The following ZNF483 variants were observed in gnomAD, a reference collection of about 807,000 sequenced individuals.
ZNF483 encodes the protein zinc finger protein HIT-10.
In ZNF483, 9 loss-of-function variants were observed where a neutral mutation model predicts 28.6. The observed-to-expected ratio is 0.32, with a 90% CI of 0.19 to 0.55. The LOEUF (loss-of-function observed/expected upper bound fraction) is 0.55, where lower values mean the gene tolerates loss of function less well. Among genes scored for constraint, ZNF483 ranks in the 20% least tolerant of loss-of-function variants. The pLI is 0.93. For synonymous variants in ZNF483, 322 were observed against 306.2 expected (o/e 1.05, Z -0.54); for missense variants, 675 against 871.7 (o/e 0.77, Z 2.84).
chr9:111,560,715 G>T (rs1224169602), intron 5 of ZNF483, among the ~76,000 whole-genome samples: 1 of 148,554 alleles, frequency 6.7e-6, no homozygotes, highest in Non-Finnish European at 1.5e-5. Flanking sequence ...AGGCCGAGGT[G>T]GCCGGATCAC....
chr9:111,541,492 A>C (rs1260269396), intron 5 of ZNF483, among the ~76,000 whole-genome samples, 165 bp from the exon 6 acceptor site: 2 of 152,166 alleles, frequency 1.3e-5, no homozygotes, highest in African/African-American at 2.4e-5. Context: ...ATGTGTTTAC[A>C]TTGTTTCCCT....
intron 5 of ZNF483, chr9:111,570,199 TG>T (rs1828748201): frequency 3.7e-6 from 6 of 1,613,436 alleles, no homozygotes; most frequent in South Asian, 2.2e-5. Flanking sequence ...TAACAATCTC[TG>T]GGGGTGGGCC....
intron 1 of ZNF483, among the ~76,000 whole-genome samples, chr9:111,525,638 G>C (rs1827168123): frequency 6.6e-6 from 1 of 152,138 alleles, no homozygotes; most frequent in South Asian, 2.1e-4. Flanking sequence ...CATTGCCAGA[G>C]GACCGCTGGG....
intron 5 of ZNF483, among the ~76,000 whole-genome samples, chr9:111,537,835 C>T (rs1468069335): frequency 6.6e-6 from 1 of 152,100 alleles, no homozygotes; most frequent in Non-Finnish European, 1.5e-5. Context: ...TCATGTTGTT[C>T]AGGCTGGTCT....
chr9:111,577,736 T>C (rs1217797635), exon 6 of ZNF483: 1 of 152,020 alleles, frequency 6.6e-6, no homozygotes, highest in East Asian at 1.9e-4. Flanking sequence ...TCCCAGCTAC[T>C]TGGGAGGCTG....
chr9:111,573,838 TGGAGCGGGAGGG>T (rs1307608206), intron 5 of ZNF483, among the ~76,000 whole-genome samples: 1 of 152,048 alleles, frequency 6.6e-6, no homozygotes, highest in East Asian at 1.9e-4. Flanking sequence ...CCTCAGAGTG[TGGAGCGGGAGGG>T]ATGTGGTTTC....
intron 2 of ZNF483, among the ~76,000 whole-genome samples, chr9:111,530,630 T>A (rs1827302918): frequency 6.6e-6 from 1 of 150,530 alleles, no homozygotes; most frequent in Admixed American, 6.6e-5. Context: ...TGCTGGGGAG[T>A]CCAACACAGA....
chr9:111,561,174 AG>A (rs779919631), intron 5 of ZNF483, among the ~76,000 whole-genome samples: 1,746 of 126,596 alleles, frequency 0.014, 67 homozygotes, highest in East Asian at 0.11. Context: ...AGAGAGAGAG[AG>A]AGAAAGAGAG....
Position 111,553,049 on chromosome 9 carries a change from T to A in ZNF483, c.*9879T>A, listed in dbSNP as rs1345820966. On this transcript the variant is annotated 3_prime_UTR_variant, in exon 6 of 6. Transcript: ENST00000309235. ...AGACCCTTTTAAAAGTTGTTTAAAT[T>A]GTTTTGTTAGAAATTTCACTCGCAG... 6.6e-6 allele frequency among the ~76,000 whole-genome samples: 1 copy of A among 152,210 alleles called. No individual in the cohort carries two copies. The highest frequency in any genetic ancestry group is 6.5e-5 in the Admixed American group (1 of 15,286).
At chr9:111,574,723 G>C in intron 5 of ZNF483, 1 of 1,594,318 alleles carries the variant, frequency 6.3e-7, no homozygotes, top group Non-Finnish European at 8.6e-7. Context: ...TCGTGTGCAT[G>C]TGCTCATTAC....
chr9:111,530,792 TATATATATACATATATATATATAAG>T, intron 2 of ZNF483, 58 bp from the exon 3 acceptor site: 1 of 74,340 alleles, frequency 1.3e-5, no homozygotes, highest in African/African-American at 6.8e-5. Context: ...TATATATATA[TATATATATACATATATATATATAAG>T]ATTTTTAGTC....
chr9:111,536,414 A>G (rs562535819), intron 5 of ZNF483, among the ~76,000 whole-genome samples: 3 of 151,710 alleles, frequency 2.0e-5, no homozygotes, highest in East Asian at 2.0e-4. Flanking sequence ...AATCCCAGCT[A>G]CTCTGGAGGC....
chr9:111,572,845 A>C lies in ZNF483; in HGVS notation c.722-3520A>C, dbSNP rs188998577. Among the ~76,000 whole-genome samples, 286 of 152,212 alleles carry C rather than the reference A, an allele frequency of 1.9e-3. 3 individuals carry two copies. Among genetic ancestry groups the C allele is most frequent in the African/African-American group, 6.6e-3 (275 of 41,540 alleles). On this transcript the variant is annotated intron_variant, in intron 5 of 5. Coordinates refer to the ZNF483 transcript ENST00000358151. Reference sequence around the variant, plus strand: ...AGCAAGACCTTGTCTCAAAACAAACAAACCAATAAACAAAAAAGCAAAATG... The same window carrying C: ...AGCAAGACCTTGTCTCAAAACAAACCAACCAATAAACAAAAAAGCAAAATG...
chr9:111,542,004 A>C lies in ZNF483; in HGVS notation c.1069A>C (p.Lys357Gln), dbSNP rs749229195. The C allele has an allele frequency of 1.2e-6, 2 of 1,614,056 alleles. No homozygotes were observed. Among genetic ancestry groups the C allele is most frequent in the Admixed American group, 1.7e-5 (1 of 60,016 alleles). ...LNRKEKTAGE[K>Q]SRKSNDGGKV... ...CCGCAAGGAGAAAACCGCCGGAGAAAAGTCACGGAAATCTAATGATGGTGG... is the reference window on the plus strand; with the variant it reads ...CCGCAAGGAGAAAACCGCCGGAGAACAGTCACGGAAATCTAATGATGGTGG... Residue 357 changes from lysine to glutamine, a missense_variant, in exon 6 of 6, where the codon AAG becomes CAG. By Grantham distance (53) the Lys-to-Gln change is moderately conservative. Coordinates refer to ENST00000309235, the MANE Select transcript of ZNF483 (RefSeq NM_133464.5). The surrounding 1 kb of genome is among the most constrained non-coding windows in gnomAD (Gnocchi z 6.2).
chr9:111,567,209 G>A (rs1190378523), intron 5 of ZNF483, among the ~76,000 whole-genome samples: 1 of 151,954 alleles, frequency 6.6e-6, no homozygotes, highest in East Asian at 1.9e-4. Flanking sequence ...GTTTTTTTGA[G>A]ATGGAGTTGT....
rs959134826 is a variant in ZNF483 at position 111,550,052 on chromosome 9, T to C, written c.*6882T>C. 6.6e-6 allele frequency among the ~76,000 whole-genome samples: 1 copy of C among 152,002 alleles called. No homozygotes were observed. Among genetic ancestry groups the C allele is most frequent in the African/African-American group, 2.4e-5 (1 of 41,276 alleles). ...TTTTTCCCCAGGGTTTATTTTTTGTTGTTGTTTTTTGTGTTGTGTGTTTTT... is the reference window on the plus strand; with the variant it reads ...TTTTTCCCCAGGGTTTATTTTTTGTCGTTGTTTTTTGTGTTGTGTGTTTTT... On this transcript the variant is annotated 3_prime_UTR_variant, in exon 6 of 6. Transcript: ENST00000309235.
In ZNF483 at chr9:111,549,496, A is replaced by G. The variant is rs556334651; in HGVS notation, c.*6326A>G. Among the ~76,000 whole-genome samples the G allele has an allele frequency of 8.5e-5, 13 of 152,162 alleles. No homozygotes were observed. The highest frequency in any genetic ancestry group is 1.8e-4 in the Non-Finnish European group (12 of 68,020). ...GAAATTGGTGAGGTATCTTTCTCTC[A>G]GAGTCTTTTTTATGAAGTCTGATGT... On this transcript the variant is annotated 3_prime_UTR_variant, in exon 6 of 6. Coordinates refer to ENST00000309235, the MANE Select transcript of ZNF483 (RefSeq NM_133464.5).
chr9:111,538,925 A>G (rs1827592438), intron 5 of ZNF483, among the ~76,000 whole-genome samples: 2 of 152,070 alleles, frequency 1.3e-5, no homozygotes, highest in Non-Finnish European at 2.9e-5. Flanking sequence ...CAACCTGGCC[A>G]ACATGGTAAA....
downstream of ZNF483, among the ~76,000 whole-genome samples, chr9:111,558,086 G>C (rs1024300002): frequency 1.3e-5 from 2 of 152,088 alleles, no homozygotes; most frequent in African/African-American, 4.8e-5. Flanking sequence ...GGCGGAGTTT[G>C]CACTAAGCCG....
Sources: allele counts gnomAD v4.1 joint callset (sites outside exome capture counted in the v4.1 genomes callset), GRCh38; gene constraint gnomAD v4.1.1; non-coding constraint Gnocchi (gnomAD v3.1); transcripts MANE v1.5; gene names NCBI Gene and HGNC (gene_info 2026-07-23, HGNC 2026-07-21).